Variants in TGFBR1 observed in about 807,000 individuals in gnomAD.
TGFBR1 encodes the protein TGF-beta receptor type-1.
Under a neutral mutation model 55.1 loss-of-function variants are expected in TGFBR1, and 20 were observed. That is an observed-to-expected ratio of 0.36 (90% CI 0.26 to 0.53). TGFBR1 has a LOEUF of 0.53. TGFBR1 is among the 20% of genes least tolerant of loss of function. TGFBR1 has a pLI of 0.91. For synonymous variants in TGFBR1, 220 were observed against 214.8 expected, an observed-to-expected ratio of 1.02 and a Z score of -0.21; for missense variants, 385 against 617.6, an observed-to-expected ratio of 0.62 and a Z score of 3.99.
In TGFBR1 at chr9:99,149,389, T is replaced by G; in HGVS notation, c.*84T>G. 1 of 1,562,612 alleles carries G rather than the reference T, an allele frequency of 6.4e-7. No homozygotes were observed. The highest frequency in any genetic ancestry group is 8.8e-7 in the Non-Finnish European group (1 of 1,135,290). Reference sequence around the variant, plus strand: ...TGGGAGGTCAATTGTTCTACCTCACTGAGAGGGAACAGAAGGATATTGCTT... The same window carrying G: ...TGGGAGGTCAATTGTTCTACCTCACGGAGAGGGAACAGAAGGATATTGCTT... On this transcript the variant is annotated 3_prime_UTR_variant, in exon 9 of 9. Coordinates refer to ENST00000374994, the MANE Select transcript of TGFBR1 (RefSeq NM_004612.4).
intron 1 of TGFBR1, among the ~76,000 whole-genome samples, chr9:99,124,451 G>A (rs1013261897): frequency 1.5e-4 from 22 of 151,666 alleles, no homozygotes; most frequent in African/African-American, 5.1e-4. Flanking sequence ...AGGTGTCTTC[G>A]TTTACGTTTT....
chr9:99,148,502 C>CTTTA (rs1210947951), intron 8 of TGFBR1, among the ~76,000 whole-genome samples: 3 of 152,106 alleles, frequency 2.0e-5, no homozygotes, highest in African/African-American at 7.2e-5. Flanking sequence ...CTTAAAAAGG[C>CTTTA]TATAAAAAGC....
intron 4 of TGFBR1, among the ~76,000 whole-genome samples, chr9:99,138,901 G>C (rs1490530912): frequency 1.3e-5 from 2 of 151,930 alleles, no homozygotes; most frequent in Non-Finnish European, 2.9e-5. Context: ...GGGTTCAAGT[G>C]GTTCTCCTGC....
At chr9:99,125,534 A>G (rs1354175176) in intron 1 of TGFBR1, among the ~76,000 whole-genome samples, 2 of 152,226 alleles carry the variant, frequency 1.3e-5, no homozygotes, top group Admixed American at 6.5e-5. Flanking sequence ...CTGTTAGGCT[A>G]TTGGCTTTTG....
chr9:99,105,797 C>T (rs1826395708), intron 1 of TGFBR1, among the ~76,000 whole-genome samples: 2 of 152,054 alleles, frequency 1.3e-5, no homozygotes, highest in South Asian at 2.1e-4. Context: ...GGGTGGAAGG[C>T]GGCTCCCGGG....
intron 3 of TGFBR1, among the ~76,000 whole-genome samples, chr9:99,135,286 G>C (rs146498737): frequency 8.5e-4 from 130 of 152,222 alleles, no homozygotes; most frequent in African/African-American, 2.9e-3. Flanking sequence ...GTGAATAATA[G>C]CAGAAAATGC....
chr9:99,145,990 A>T (rs1360372382), intron 6 of TGFBR1: 1 of 205,820 alleles, frequency 4.9e-6, no homozygotes, highest in African/African-American at 2.4e-5. Flanking sequence ...CAACCAGCTA[A>T]GGGGTCCTTG....
intron 1 of TGFBR1, among the ~76,000 whole-genome samples, chr9:99,125,965 C>G (rs1490074354): frequency 1.3e-5 from 2 of 152,082 alleles, no homozygotes; most frequent in African/African-American, 4.8e-5. Flanking sequence ...TAACAGCAAG[C>G]TATAAATAGA....
chr9:99,143,655 G>A (rs541640369), intron 5 of TGFBR1, among the ~76,000 whole-genome samples: 1 of 152,246 alleles, frequency 6.6e-6, no homozygotes, highest in South Asian at 2.1e-4. Flanking sequence ...GTTTTATTGA[G>A]TTATAATTCA....
At chr9:99,145,568 G>T (rs962453811) in intron 6 of TGFBR1, among the ~76,000 whole-genome samples, 1 of 152,192 alleles carries the variant, frequency 6.6e-6, no homozygotes, top group Admixed American at 6.5e-5. Flanking sequence ...TAGATCCTCA[G>T]TAGATATTTG....
At chr9:99,148,066 C>T (rs1000491777) in intron 8 of TGFBR1, among the ~76,000 whole-genome samples, 5 of 152,132 alleles carry the variant, frequency 3.3e-5, no homozygotes, top group Non-Finnish European at 5.9e-5. Flanking sequence ...TCCCTTCAGC[C>T]GGGGCAACCC....
chr9:99,147,175 T>G (rs1186151733), intron 7 of TGFBR1, among the ~76,000 whole-genome samples: 1 of 152,146 alleles, frequency 6.6e-6, no homozygotes, highest in Non-Finnish European at 1.5e-5. Context: ...TTTGAAGCAG[T>G]GAGGGACAGA....
intron 5 of TGFBR1, among the ~76,000 whole-genome samples, chr9:99,143,847 C>T (rs1200871747): frequency 2.6e-5 from 4 of 152,182 alleles, no homozygotes; most frequent in African/African-American, 9.7e-5. Context: ...ACAACTGCTC[C>T]TTTTTGTCTG....
intron 2 of TGFBR1, 113 bp from the exon 3 acceptor site, chr9:99,132,396 A>G: frequency 6.5e-7 from 1 of 1,537,566 alleles, no homozygotes; most frequent in Non-Finnish European, 8.8e-7. Context: ...CTCTTTGGCT[A>G]AGTGGTGGCA....
intron 1 of TGFBR1, among the ~76,000 whole-genome samples, chr9:99,115,491 A>G (rs1826708745): frequency 6.6e-6 from 1 of 152,246 alleles, no homozygotes; most frequent in Admixed American, 6.5e-5. Flanking sequence ...ACTAGGACTA[A>G]TATAGATATT....
upstream of TGFBR1, chr9:99,103,931 T>C (rs978220354): frequency 1.3e-5 from 2 of 152,248 alleles, no homozygotes; most frequent in African/African-American, 4.8e-5. Flanking sequence ...TCAAGGTTTA[T>C]TTAATTCTAA....
chr9:99,108,694 C>T (rs964896081), intron 1 of TGFBR1, among the ~76,000 whole-genome samples: 5 of 152,158 alleles, frequency 3.3e-5, no homozygotes, highest in African/African-American at 1.2e-4. Flanking sequence ...GGAAACAAGG[C>T]TTTTACTGAC....
chr9:99,113,765 T>C (rs913344814), intron 1 of TGFBR1, among the ~76,000 whole-genome samples: 4 of 152,186 alleles, frequency 2.6e-5, no homozygotes, highest in Admixed American at 1.3e-4. Flanking sequence ...AATGAAGAAC[T>C]AGAATTAATT....
rs199511095 is a variant in TGFBR1, at chr9:99,153,396, A to G, written c.*4091A>G. 6 of 215,756 alleles carry G rather than the reference A, an allele frequency of 2.8e-5. No individual in the cohort carries two copies. The highest frequency in any genetic ancestry group is 1.1e-4 in the African/African-American group (5 of 44,342). 13.4% of individuals were successfully genotyped at this position (215,756 alleles called of 1,614,324 possible). Reference sequence around the variant, plus strand: ...GGATTCTTTAGGCTTTATCAGTGTAATCTCTGCCTTTTAAGATATGTACAG... The same window carrying G: ...GGATTCTTTAGGCTTTATCAGTGTAGTCTCTGCCTTTTAAGATATGTACAG... On this transcript the variant is annotated 3_prime_UTR_variant, in exon 9 of 9. Transcript: ENST00000374994.
Sources: gnomAD v4.1 joint callset for allele counts (sites outside exome capture counted in the v4.1 genomes callset) on GRCh38, gnomAD v4.1.1 for gene constraint, MANE v1.5 for transcripts, NCBI Gene and HGNC (gene_info 2026-07-23, HGNC 2026-07-21) for gene names.